The following KCNJ1 variants were observed in gnomAD, a reference collection of about 807,000 sequenced individuals.
The protein encoded by KCNJ1 is potassium inwardly rectifying channel subfamily J member 1.
Under a neutral mutation model 21.9 loss-of-function variants are expected in KCNJ1, and 24 were observed. The observed-to-expected ratio is 1.10, with a 90% CI of 0.79 to 1.54. KCNJ1 has a LOEUF of 1.54. Ranked by LOEUF, KCNJ1 falls within the 40% of genes most tolerant of loss-of-function variation. The pLI is 0.00. For synonymous variants in KCNJ1, 152 were observed against 160.9 expected, an observed-to-expected ratio of 0.94 and a Z score of 0.42; for missense variants, 457 against 455.4, an observed-to-expected ratio of 1.00 and a Z score of -0.03.
intron 2 of KCNJ1, among the ~76,000 whole-genome samples, chr11:128,849,447 A>G (rs900181808): frequency 6.6e-6 from 1 of 152,174 alleles, no homozygotes; most frequent in Admixed American, 6.5e-5. Flanking sequence ...AGTGAGCATA[A>G]AAGGATCAGG....
At chr11:128,863,275 G>A (rs961401181) in intron 1 of KCNJ1, among the ~76,000 whole-genome samples, 3 of 152,224 alleles carry the variant, frequency 2.0e-5, no homozygotes, top group African/African-American at 7.2e-5. Flanking sequence ...TGTGCAACTG[G>A]AGCAGAGGGA....
chr11:128,854,089 C>T (rs1378181644), intron 1 of KCNJ1, among the ~76,000 whole-genome samples: 5 of 116,464 alleles, frequency 4.3e-5, no homozygotes, highest in East Asian at 5.8e-4. Context: ...GGTCTGAGAA[C>T]GGTGTTTGGT....
Position 128,864,074 on chromosome 11 carries a change from C to CTTTTTTTTTTTTTTTTTTTTTTTTT in KCNJ1, c.-192+3074_-192+3098dup, listed in dbSNP as rs71472076. Among the ~76,000 whole-genome samples the CTTTTTTTTTTTTTTTTTTTTTTTTT allele has an allele frequency of 3.5e-5, 3 of 86,682 alleles. 1 individual carries two copies. The highest frequency in any genetic ancestry group is 6.5e-5 in the Non-Finnish European group (3 of 45,904). The allele number at this position is 86,682 out of a possible 152,430, so 56.9% of individuals were successfully genotyped here. A position where few individuals can be genotyped will look rare whatever the true frequency, so the allele number is the denominator to read the frequency against. On this transcript the variant is annotated intron_variant, in intron 1 of 2. Transcript: ENST00000392666. Reference sequence around the variant, plus strand: ...TTCTTTTTCTTTTTTCTTTTTCTCTCTTTTTTTTTTTTTTTTTTTTTTTTT... The same window carrying CTTTTTTTTTTTTTTTTTTTTTTTTT: ...TTCTTTTTCTTTTTTCTTTTTCTCTCTTTTTTTTTTTTTTTTTTTTTTTTTTTTTTTTTTTTTTTTTTTTTTTTTT...
At chr11:128,855,820 G>T (rs779703336) in intron 1 of KCNJ1, among the ~76,000 whole-genome samples, 1 of 152,246 alleles carries the variant, frequency 6.6e-6, no homozygotes, top group Non-Finnish European at 1.5e-5. Flanking sequence ...CTGATGAAGA[G>T]ATCAGGACTG....
At position 128,861,967 on chromosome 11, in the gene KCNJ1, C is replaced by T. The variant is rs372498413; in HGVS notation, c.-192+5206G>A. On this transcript the variant is annotated intron_variant, in intron 1 of 2. Coordinates refer to ENST00000392666, the MANE Select transcript of KCNJ1 (RefSeq NM_153766.3). ...GCCCCCAGCTCTCGGCCGCGCTTCT[C>T]CGGTGGCTGCCTATTCCCAGCTTCA... 2.0e-3 allele frequency among the ~76,000 whole-genome samples: 305 copies of T among 152,302 alleles called. 1 individual carries two copies. The highest frequency in any genetic ancestry group is 6.7e-3 in the African/African-American group (279 of 41,564).
intron 1 of KCNJ1, among the ~76,000 whole-genome samples, chr11:128,857,519 C>CCA (rs1004552685): frequency 6.6e-6 from 1 of 152,188 alleles, no homozygotes; most frequent in African/African-American, 2.4e-5. Flanking sequence ...GCTGGGAGTG[C>CCA]CACAAGTGCA....
At chr11:128,847,438 A>G (rs1223588363) in intron 2 of KCNJ1, among the ~76,000 whole-genome samples, 2 of 152,224 alleles carry the variant, frequency 1.3e-5, no homozygotes, top group South Asian at 2.1e-4. Context: ...CGTGGCTTCC[A>G]CAAGTCTTAC....
intron 1 of KCNJ1, among the ~76,000 whole-genome samples, chr11:128,852,345 G>T (rs1943491277): frequency 6.6e-6 from 1 of 152,168 alleles, no homozygotes; most frequent in African/African-American, 2.4e-5. Flanking sequence ...ATAGCATCCT[G>T]CTTCTCAGAA....
rs1943466485 is a variant in KCNJ1 at position 128,850,757 on chromosome 11, C to T, written c.-58G>A. 2.0e-6 allele frequency: 2 copies of T among 985,444 alleles called. No homozygotes were observed. Among genetic ancestry groups the T allele is most frequent in the Non-Finnish European group, 2.4e-6 (2 of 829,926 alleles). 61.0% of individuals were successfully genotyped at this position (985,444 alleles called of 1,614,324 possible). A position where few individuals can be genotyped will look rare whatever the true frequency, so the allele number is the denominator to read the frequency against. On this transcript the variant is annotated 5_prime_UTR_variant, in exon 2 of 3. Transcript: ENST00000392666. ...GAGGTTCAGGAGATGATTTTCAAAACTTCATGTATAAGTAGATCTTGGGGT... is the reference window on the plus strand; with the variant it reads ...GAGGTTCAGGAGATGATTTTCAAAATTTCATGTATAAGTAGATCTTGGGGT...
chr11:128,855,646 C>T (rs1460568880), intron 1 of KCNJ1, among the ~76,000 whole-genome samples: 1 of 152,204 alleles, frequency 6.6e-6, no homozygotes, highest in East Asian at 1.9e-4. Context: ...AGTTATTTGG[C>T]TTCTCTAAAC....
intron 1 of KCNJ1, among the ~76,000 whole-genome samples, chr11:128,855,917 C>T (rs1943579945): frequency 6.6e-6 from 1 of 152,196 alleles, no homozygotes; most frequent in South Asian, 2.1e-4. Flanking sequence ...ACCTGCCAGA[C>T]CCAAGGACGG....
chr11:128,842,394 C>T, intron 2 of KCNJ1: 1 of 1,613,854 alleles, frequency 6.2e-7, no homozygotes, highest in South Asian at 1.1e-5. Flanking sequence ...ACGTGTCAAA[C>T]ACATTCCGAC....
chr11:128,861,188 C>T (rs192617302), intron 1 of KCNJ1, among the ~76,000 whole-genome samples: 134 of 152,338 alleles, frequency 8.8e-4, no homozygotes, highest in African/African-American at 2.9e-3. Flanking sequence ...GGCTCCCTAA[C>T]CCACATGGCT....
At chr11:128,843,804 T>C (rs1943331220) in intron 2 of KCNJ1, among the ~76,000 whole-genome samples, 1 of 152,266 alleles carries the variant, frequency 6.6e-6, no homozygotes, top group African/African-American at 2.4e-5. Flanking sequence ...GATATGTTGA[T>C]ACCCAATGTT....
chr11:128,865,978 G>A (rs1042418626), intron 1 of KCNJ1, among the ~76,000 whole-genome samples: 2 of 152,112 alleles, frequency 1.3e-5, no homozygotes, highest in Non-Finnish European at 2.9e-5. Context: ...CTGACTTGGT[G>A]CACCTCCTTA....
chr11:128,841,212 C>G (rs1261497810), intron 2 of KCNJ1, among the ~76,000 whole-genome samples: 1 of 152,218 alleles, frequency 6.6e-6, no homozygotes, highest in Non-Finnish European at 1.5e-5. Context: ...TCCTTCCCTA[C>G]TCCAAAGCTG....
intron 2 of KCNJ1, among the ~76,000 whole-genome samples, chr11:128,848,979 GAC>G (rs754598257): frequency 2.8e-4 from 42 of 152,228 alleles, no homozygotes; most frequent in Non-Finnish European, 7.3e-5. Flanking sequence ...CGTTGCTGGA[GAC>G]ACACGCTGCG....
intron 2 of KCNJ1, among the ~76,000 whole-genome samples, chr11:128,849,115 G>A (rs1943438464): frequency 6.6e-6 from 1 of 152,192 alleles, no homozygotes. Context: ...TCTCTTAAAG[G>A]TGTTGTTGGA....
intron 1 of KCNJ1, among the ~76,000 whole-genome samples, chr11:128,856,255 G>C (rs75177162): frequency 0.11 from 17,458 of 152,244 alleles, 1,170 homozygotes; most frequent in East Asian, 0.33. Flanking sequence ...ATGAGATTAG[G>C]TTAGACGAGA....
Sources: gnomAD v4.1 joint callset for allele counts (sites outside exome capture counted in the v4.1 genomes callset) on GRCh38, gnomAD v4.1.1 for gene constraint, MANE v1.5 for transcripts, NCBI Gene and HGNC (gene_info 2026-07-23, HGNC 2026-07-21) for gene names.